WWP1: variants seen among roughly 807,000 people sequenced by gnomAD.
The protein encoded by WWP1 is WW domain containing E3 ubiquitin protein ligase 1.
WWP1 carries 49 observed loss-of-function variants against 130.6 expected under a neutral mutation model. That is an observed-to-expected ratio of 0.38 (90% CI 0.30 to 0.48). The LOEUF is 0.48. WWP1 is among the 20% of genes least tolerant of loss of function. The pLI, the probability that WWP1 is intolerant of heterozygous loss-of-function variation, is 0.99. For missense variants in WWP1, 809 were observed against 1,100.6 expected (o/e 0.74, Z 3.75); for synonymous variants, 332 against 367.8 (o/e 0.90, Z 1.11).
intron 8 of WWP1, among the ~76,000 whole-genome samples, chr8:86,409,351 A>T (rs1808458516): frequency 6.9e-6 from 1 of 145,882 alleles, no homozygotes; most frequent in African/African-American, 2.5e-5. Flanking sequence ...CTTCTGCCTC[A>T]GCCTCCTGAG....
intron 1 of WWP1, among the ~76,000 whole-genome samples, chr8:86,352,039 C>CTTTTTTTTTTTTTTTTTTTTTTTTTT (rs770047019): frequency 8.0e-6 from 1 of 125,196 alleles, no homozygotes. Context: ...TAAAATATTC[C>CTTTTTTTTTTTTTTTTTTTTTTTTTT]TTTTTTTTTT....
intron 2 of WWP1, among the ~76,000 whole-genome samples, chr8:86,370,509 A>G (rs1388179626): frequency 6.6e-6 from 1 of 152,166 alleles, no homozygotes; most frequent in African/African-American, 2.4e-5. Context: ...GGACCTTAGC[A>G]GTTCTTTACT....
intron 3 of WWP1, among the ~76,000 whole-genome samples, chr8:86,377,085 T>C (rs1299256830): frequency 2.6e-5 from 4 of 150,958 alleles, no homozygotes; most frequent in Non-Finnish European, 5.9e-5. Context: ...GACCTCTGTA[T>C]TGATTTTTTC....
In WWP1 at chr8:86,427,811, CT is replaced by C; in HGVS notation, c.1327del (p.Tyr443IlefsTer6). ...AMQQFNQRYL[Y>X]SASMLAAEND... ...TGCAACAGTTTAACCAACGATACCTCTATTCGGTAATTAGCAAATTGTAAGA... is the reference window on the plus strand; with the variant it reads ...TGCAACAGTTTAACCAACGATACCTCATTCGGTAATTAGCAAATTGTAAGA... On this transcript the variant is annotated frameshift_variant, in exon 11 of 25. Coordinates refer to ENST00000517970, the MANE Select transcript of WWP1 (RefSeq NM_007013.4). LOFTEE classifies it high-confidence loss of function. 6.2e-7 allele frequency: 1 copy of C among 1,607,008 alleles called. No individual in the cohort carries two copies. Among genetic ancestry groups the C allele is most frequent in the Non-Finnish European group, 8.5e-7 (1 of 1,176,388 alleles).
At position 86,342,864 on chromosome 8, in the gene WWP1, C is replaced by T. The variant is rs1487743098; in HGVS notation, c.-181C>T. On this transcript the variant is annotated 5_prime_UTR_variant, in exon 1 of 25. Coordinates refer to ENST00000517970, the MANE Select transcript of WWP1 (RefSeq NM_007013.4). ...TCTTGGGCGCGGAAGGGTGAGGGCG[C>T]CCGCCGCAGGAGGAGGTGCCGCTGC... 1.9e-5 allele frequency: 7 copies of T among 365,752 alleles called. No homozygotes were observed. The highest frequency in any genetic ancestry group is 1.4e-4 in the Admixed American group (3 of 21,490). 22.7% of individuals were successfully genotyped at this position (365,752 alleles called of 1,614,324 possible). A position where few individuals can be genotyped will look rare whatever the true frequency, so the allele number is the denominator to read the frequency against.
chr8:86,431,793 G>T (rs933707616), intron 14 of WWP1, 50 bp downstream of exon 14: 8 of 1,604,114 alleles, frequency 5.0e-6, no homozygotes, highest in Non-Finnish European at 6.0e-6. Context: ...GTGAGCACAT[G>T]AGATTTAGTC....
At chr8:86,441,983 G>A (rs1374974336) in intron 17 of WWP1, among the ~76,000 whole-genome samples, 2 of 152,048 alleles carry the variant, frequency 1.3e-5, no homozygotes, top group African/African-American at 4.8e-5. Context: ...GTTAGAGATT[G>A]CTTATCACAT....
intron 16 of WWP1, 41 bp downstream of exon 16, chr8:86,435,745 T>C (rs373705326): frequency 3.2e-6 from 5 of 1,585,664 alleles, no homozygotes; most frequent in Non-Finnish European, 4.3e-6. Flanking sequence ...ATTTGTCTCA[T>C]TGTATTCTGT....
At chr8:86,395,198 A>G (rs1807589130) in intron 5 of WWP1, among the ~76,000 whole-genome samples, 1 of 152,160 alleles carries the variant, frequency 6.6e-6, no homozygotes, top group Non-Finnish European at 1.5e-5. Context: ...GTCAGAGAAT[A>G]AACATAAGGG....
At chr8:86,407,946 C>T (rs1808371171) in intron 8 of WWP1, among the ~76,000 whole-genome samples, 1 of 152,120 alleles carries the variant, frequency 6.6e-6, no homozygotes, top group Non-Finnish European at 1.5e-5. Flanking sequence ...AATGTTCCTT[C>T]TTTGTATTGT....
rs139940017 is a variant in WWP1, at chr8:86,366,115, C to T, written c.-114-2824C>T. On this transcript the variant is annotated intron_variant, in intron 1 of 24. Transcript: ENST00000517970. ...TACAGTGAAGGGATGCCGGAGAGTG[C>T]TGGAGAGACTGTAGTTCCTGAGTTA... is the stretch of plus-strand genomic sequence containing the variant. Among the ~76,000 whole-genome samples the T allele has an allele frequency of 4.6e-5, 7 of 152,298 alleles. No individual in the cohort carries two copies. The East Asian group carries it at 1.4e-3, about 29-fold the overall frequency.
At chr8:86,363,373 A>C (rs894966755) in intron 1 of WWP1, among the ~76,000 whole-genome samples, 1 of 152,048 alleles carries the variant, frequency 6.6e-6, no homozygotes, top group Non-Finnish European at 1.5e-5. Context: ...TTTTAGTTTG[A>C]TTATGTGGCA....
At chr8:86,373,270 T>C (rs1247537091) in intron 2 of WWP1, among the ~76,000 whole-genome samples, 1 of 152,172 alleles carries the variant, frequency 6.6e-6, no homozygotes, top group Non-Finnish European at 1.5e-5. Context: ...TTTTTTTGTT[T>C]GTCACTCATG....
intron 9 of WWP1, among the ~76,000 whole-genome samples, chr8:86,416,251 T>C (rs1237181970): frequency 6.6e-6 from 1 of 152,186 alleles, no homozygotes. Context: ...TGAACTAATG[T>C]AGAAAACTCT....
At chr8:86,445,976 CTTTTTTTTTTT>C (rs56731329) in intron 18 of WWP1, among the ~76,000 whole-genome samples, 1 of 84,984 alleles carries the variant, frequency 1.2e-5, no homozygotes, top group Non-Finnish European at 2.3e-5. Flanking sequence ...CTTTTCTTTT[CTTTTTTTTTTT>C]TTTTTTTTTT....
chr8:86,387,241 G>C (rs7812422), intron 5 of WWP1, among the ~76,000 whole-genome samples: 19,032 of 151,926 alleles, frequency 0.13, 3,160 homozygotes, highest in African/African-American at 0.38. Context: ...ATTAGCAGTG[G>C]TCCTGTGTAT....
chr8:86,438,760 T>A, intron 17 of WWP1, 87 bp downstream of exon 17: 1 of 1,122,514 alleles, frequency 8.9e-7, no homozygotes. Flanking sequence ...TGTGAATATA[T>A]TGTATTAAAT....
In WWP1 at chr8:86,453,386, A is replaced by G. The variant is rs149105634; in HGVS notation, c.2394+707A>G. On this transcript the variant is annotated intron_variant, in intron 21 of 24. Transcript: ENST00000517970. Reference sequence around the variant, plus strand: ...CAGAATTTCTTCCTTTTTTAGACTGAATAATACTCCATTATAGAGTATTAT... The same window carrying G: ...CAGAATTTCTTCCTTTTTTAGACTGGATAATACTCCATTATAGAGTATTAT... Among the ~76,000 whole-genome samples the G allele has an allele frequency of 7.7e-4, 118 of 152,276 alleles. 1 individual carries two copies. The East Asian group carries it at 8.3e-3, about 11-fold the overall frequency.
chr8:86,412,622 A>G (rs760865874), intron 9 of WWP1, among the ~76,000 whole-genome samples: 4 of 151,712 alleles, frequency 2.6e-5, no homozygotes, highest in Non-Finnish European at 5.9e-5. Flanking sequence ...TGTTGTAGCT[A>G]TTGAAACTGC....
Sources: allele counts gnomAD v4.1 joint callset (sites outside exome capture counted in the v4.1 genomes callset), GRCh38; gene constraint gnomAD v4.1.1; transcripts MANE v1.5; gene names NCBI Gene and HGNC (gene_info 2026-07-23, HGNC 2026-07-21).